TTBK2: variants seen among roughly 807,000 people sequenced by gnomAD.
TTBK2 encodes tau tubulin kinase 2, also known as tau-tubulin kinase 2.
TTBK2 carries 28 observed loss-of-function variants against 110.8 expected under a neutral mutation model. The observed-to-expected ratio is 0.25, with a 90% confidence interval of 0.19 to 0.35. TTBK2 has a LOEUF of 0.35. Ranked by LOEUF, TTBK2 falls within the 10% of genes least tolerant of loss-of-function variation. The pLI is 1.00. For missense variants in TTBK2, 1,369 were observed against 1,500.3 expected, an observed-to-expected ratio of 0.91 and a Z score of 1.45; for synonymous variants, 532 against 527.3, an observed-to-expected ratio of 1.01 and a Z score of -0.12.
intron 2 of TTBK2, among the ~76,000 whole-genome samples, chr15:42,877,446 A>C (rs1894858419): frequency 6.6e-6 from 1 of 152,204 alleles, no homozygotes; most frequent in Non-Finnish European, 1.5e-5. Flanking sequence ...ACCATGGGAA[A>C]GTCTACAGAC....
intron 2 of TTBK2, 98 bp downstream of exon 2, chr15:42,878,451 C>T (rs1237653689): frequency 1.1e-5 from 17 of 1,577,214 alleles, no homozygotes; most frequent in African/African-American, 5.4e-5. Flanking sequence ...TAATGAAATG[C>T]TATTTTTATC....
chr15:42,739,024 A>C lies in TTBK2; in HGVS notation c.*6771T>G, dbSNP rs1321999795. 1 of 152,268 alleles carries C rather than the reference A, an allele frequency of 6.6e-6. No individual in the cohort carries two copies. The highest frequency in any genetic ancestry group is 2.4e-5 in the African/African-American group (1 of 41,470). 9.4% of individuals were successfully genotyped at this position (152,268 alleles called of 1,614,324 possible). ...TTACTAGGTTATAAAAATAAAATAC[A>C]AAATAATTTTAAAACAGAACTTAAA... is the stretch of plus-strand genomic sequence containing the variant. On this transcript the variant is annotated 3_prime_UTR_variant, in exon 15 of 15. Coordinates refer to ENST00000267890, the MANE Select transcript of TTBK2 (RefSeq NM_173500.4).
chr15:42,916,690 A>T (rs2031100467), intron 1 of TTBK2, among the ~76,000 whole-genome samples: 1 of 152,214 alleles, frequency 6.6e-6, no homozygotes, highest in Admixed American at 6.6e-5. Flanking sequence ...AGGATCAAGA[A>T]ATTTAAAAAG....
At chr15:42,792,584 T>C (rs1890740942) in intron 10 of TTBK2, among the ~76,000 whole-genome samples, 1 of 152,210 alleles carries the variant, frequency 6.6e-6, no homozygotes, top group Non-Finnish European at 1.5e-5. Flanking sequence ...TATTTATTTA[T>C]TTTTTGGGAT....
chr15:42,794,919 T>G (rs2140869937), intron 9 of TTBK2, 118 bp from the exon 10 acceptor site: 1 of 1,409,350 alleles, frequency 7.1e-7, no homozygotes, highest in East Asian at 2.4e-5. Flanking sequence ...CTTTAAAAAC[T>G]GATGGCTCAA....
intron 3 of TTBK2, among the ~76,000 whole-genome samples, chr15:42,854,433 A>G (rs1203940491): frequency 5.3e-5 from 8 of 152,210 alleles, no homozygotes; most frequent in Admixed American, 1.3e-4. Flanking sequence ...AAGCAAAACA[A>G]CATGTAACGT....
intron 3 of TTBK2, among the ~76,000 whole-genome samples, chr15:42,853,406 TCAAA>T (rs1453751528): frequency 2.6e-5 from 4 of 152,248 alleles, no homozygotes; most frequent in Non-Finnish European, 5.9e-5. Flanking sequence ...TGTTTCATTA[TCAAA>T]CAATGACATT....
chr15:42,761,503 A>G (rs909375820), intron 13 of TTBK2, among the ~76,000 whole-genome samples: 1 of 152,034 alleles, frequency 6.6e-6, no homozygotes, highest in African/African-American at 2.4e-5. Flanking sequence ...AACCTACAAA[A>G]TGGAAGAAAA....
intron 9 of TTBK2, among the ~76,000 whole-genome samples, chr15:42,809,409 G>A (rs993175376): frequency 6.6e-6 from 1 of 152,150 alleles, no homozygotes; most frequent in Non-Finnish European, 1.5e-5. Context: ...TTTAGATATA[G>A]GTTTAAGAAG....
intron 1 of TTBK2, chr15:42,919,726 T>G: frequency 3.2e-6 from 3 of 926,350 alleles, no homozygotes; most frequent in Non-Finnish European, 3.9e-6. Flanking sequence ...CAACTTTAAT[T>G]CAAAGCAAAG....
intron 6 of TTBK2, among the ~76,000 whole-genome samples, chr15:42,820,865 C>T (rs1397721047): frequency 1.3e-5 from 2 of 151,980 alleles, no homozygotes; most frequent in East Asian, 3.9e-4. Context: ...AAAGAATTAG[C>T]TGGGCATGGT....
At chr15:42,885,980 A>C (rs1483491669) in intron 1 of TTBK2, among the ~76,000 whole-genome samples, 1 of 152,158 alleles carries the variant, frequency 6.6e-6, no homozygotes, top group Non-Finnish European at 1.5e-5. Context: ...AGATCTAGAT[A>C]ATGTTTGTCA....
At chr15:42,839,394 G>C (rs1893128844) in intron 4 of TTBK2, among the ~76,000 whole-genome samples, 1 of 152,154 alleles carries the variant, frequency 6.6e-6, no homozygotes, top group Non-Finnish European at 1.5e-5. Flanking sequence ...ATTGTGAATA[G>C]TGCTGCAATG....
rs2140557844 is a variant in TTBK2, at chr15:42,746,255, A to C, written c.3275T>G (p.Leu1092Arg). 6.2e-7 allele frequency: 1 copy of C among 1,609,132 alleles called. No homozygotes were observed. The highest frequency in any genetic ancestry group is 2.2e-5 in the East Asian group (1 of 44,872). Residue 1092 changes from leucine to arginine, a missense_variant and splice_region_variant, in exon 15 of 15, where the codon CTA (leucine) becomes CGA (arginine). Transcript: ENST00000267890. Reference sequence around the variant, plus strand: ...ACTCCCTAGGACTTTATATCTGCGTAGCCTTAAAAGAACAGAGAAAATATA... The same window carrying C: ...ACTCCCTAGGACTTTATATCTGCGTCGCCTTAAAAGAACAGAGAAAATATA... ...PPTRPGVEAR[L>R]RRYKVLGSSN...
At chr15:42,807,591 T>TGTTG (rs1555426569) in intron 9 of TTBK2, among the ~76,000 whole-genome samples, 6 of 150,746 alleles carry the variant, frequency 4.0e-5, no homozygotes, top group Non-Finnish European at 7.4e-5. Flanking sequence ...TTTGTTGTTT[T>TGTTG]TTGTTGTTGT....
intron 13 of TTBK2, among the ~76,000 whole-genome samples, chr15:42,769,342 A>G (rs1384566304): frequency 4.6e-5 from 7 of 152,224 alleles, no homozygotes; most frequent in Non-Finnish European, 7.3e-5. Flanking sequence ...AGAATGGGAG[A>G]ACATTTTTGC....
rs1595897114 is a variant in TTBK2, at chr15:42,775,428, C to A, written c.1705G>T (p.Ala569Ser). Reference protein sequence around the residue: ...QDLQDFRTNEAVGHKTTGSPS... With the variant: ...QDLQDFRTNESVGHKTTGSPS... ...CTTCCAGTTGTTTTATGTCCTACAG[C>A]CTCATTTGTCCTAAAATCCTGAAGG... The change falls in exon 13 of 15, where the codon GCT becomes TCT. Residue 569 changes from alanine (A) to serine (S), a missense_variant. Transcript: ENST00000267890. 2 of 1,614,200 alleles carry A rather than the reference C, an allele frequency of 1.2e-6. No individual in the cohort carries two copies. Among genetic ancestry groups the A allele is most frequent in the East Asian group, 4.5e-5 (2 of 44,892 alleles).
chr15:42,754,770 A>T lies in TTBK2; in HGVS notation c.1999-1523T>A, dbSNP rs141979472. Among the ~76,000 whole-genome samples, 87 of 143,238 alleles carry T rather than the reference A, an allele frequency of 6.1e-4. No individual in the cohort carries two copies. The Middle Eastern group carries it at 0.011, about 18-fold the overall frequency. 94.0% of individuals were successfully genotyped at this position (143,238 alleles called of 152,430 possible). A position where few individuals can be genotyped will look rare whatever the true frequency, so the allele number is the denominator to read the frequency against. On this transcript the variant is annotated intron_variant, in intron 13 of 14. Transcript: ENST00000267890. Reference sequence around the variant, plus strand: ...ACGCCTGTAATCCCAGCACTTTGGGAGGCCGAGGTGGGCAGACCACCTGAG... The same window carrying T: ...ACGCCTGTAATCCCAGCACTTTGGGTGGCCGAGGTGGGCAGACCACCTGAG...
chr15:42,920,106 T>C (rs1297028196), intron 1 of TTBK2, among the ~76,000 whole-genome samples: 1 of 152,168 alleles, frequency 6.6e-6, no homozygotes, highest in South Asian at 2.1e-4. Context: ...TCGGTGCTGG[T>C]ACCAGAAGTG....
Sources: allele counts gnomAD v4.1 joint callset (sites outside exome capture counted in the v4.1 genomes callset), GRCh38; gene constraint gnomAD v4.1.1; transcripts MANE v1.5; gene names NCBI Gene and HGNC (gene_info 2026-07-23, HGNC 2026-07-21).